CACNA1H: variants seen among roughly 807,000 people sequenced by gnomAD.
The protein encoded by CACNA1H is calcium voltage-gated channel subunit alpha1 H.
A neutral mutation model predicts 192.5 loss-of-function variants in CACNA1H; 149 were observed. That is an observed-to-expected ratio of 0.77 (90% CI 0.68 to 0.89). The LOEUF (loss-of-function observed/expected upper bound fraction) is 0.89. Among genes scored for constraint, CACNA1H ranks in the 40% least tolerant of loss-of-function variants. The pLI is 0.00. For synonymous variants in CACNA1H, 2,202 were observed against 1,475.2 expected, an observed-to-expected ratio of 1.49 and a Z score of -11.29; for missense variants, 4,257 against 3,423.5, an observed-to-expected ratio of 1.24 and a Z score of -6.08.
intron 21 of CACNA1H, 89 bp downstream of exon 21, chr16:1,211,060 G>A: frequency 6.4e-6 from 10 of 1,556,932 alleles, no homozygotes; most frequent in Middle Eastern, 2.2e-4. Context: ...GTCCTGGGCT[G>A]TTCGCAGGCC....
intron 2 of CACNA1H, among the ~76,000 whole-genome samples, chr16:1,168,733 C>T (rs929362052): frequency 2.0e-5 from 3 of 152,124 alleles, no homozygotes; most frequent in Non-Finnish European, 4.4e-5. Context: ...GGCACCATGC[C>T]CCACTCTGGG....
rs746078492 is a variant in CACNA1H, at chr16:1,195,035, G to T, written c.363G>T (p.Arg121=). The change falls in exon 3 of 35, where the codon CGG becomes CGT. Residue 121 remains arginine (R), a synonymous_variant. Coordinates refer to ENST00000348261, the MANE Select transcript of CACNA1H (RefSeq NM_021098.3). ...ACTGCGTGACCCTGGGCATGTTCCG[G>T]CCCTGTGAGGACGTTGAGTGCGGCT... ...MLNCVTLGMF[R]PCEDVECGSE... 2 of 1,611,672 alleles carry T rather than the reference G, an allele frequency of 1.2e-6. No homozygotes were observed. Among genetic ancestry groups the T allele is most frequent in the East Asian group, 4.5e-5 (2 of 44,816 alleles).
At position 1,218,427 on chromosome 16, in the gene CACNA1H, C is replaced by A; in HGVS notation, c.5663C>A (p.Pro1888His). 6.4e-7 allele frequency: 1 copy of A among 1,553,662 alleles called. No individual in the cohort carries two copies. Among genetic ancestry groups the A allele is most frequent in the Non-Finnish European group, 8.7e-7 (1 of 1,149,236 alleles). Residue 1888 changes from proline (P) to histidine (H), a missense_variant, in exon 33 of 35, where the codon CCC becomes CAC. Transcript: ENST00000348261. ...AEIELEMAQG[P>H]GSARRVDADR... ...ATCGAGCTGGAGATGGCGCAGGGCC[C>A]CGGGAGTGCACGCCGGGTGGACGCG...
rs924953309 is a variant in CACNA1H, at chr16:1,210,401, C to T, written c.3877C>T (p.His1293Tyr). 14 of 1,498,652 alleles carry T rather than the reference C, an allele frequency of 9.3e-6. No homozygotes were observed. The highest frequency in any genetic ancestry group is 1.3e-5 in the Non-Finnish European group (14 of 1,109,946). The allele number at this position is 1,498,652 out of a possible 1,614,324, so 92.8% of individuals were successfully genotyped here. ...CGTCTCCTGCCAGAAGGTCATCACA[C>T]ACAAGATGTTTGATCACGTGGTCCT... ...FRVSCQKVIT[H>Y]KMFDHVVLVF... Residue 1293 changes from histidine to tyrosine, a missense_variant, in exon 19 of 35, where the codon CAC becomes TAC. By Grantham distance (83) the His-to-Tyr change is moderately conservative (BLOSUM62 2). Transcript: ENST00000348261.
chr16:1,168,104 G>A (rs1963979998), intron 2 of CACNA1H, among the ~76,000 whole-genome samples: 1 of 152,126 alleles, frequency 6.6e-6, no homozygotes, highest in Admixed American at 6.5e-5. Flanking sequence ...CCCGAGAGGT[G>A]GACCAGAATT....
chr16:1,207,657 C>T, intron 14 of CACNA1H, 113 bp from the exon 15 acceptor site: 1 of 1,021,408 alleles, frequency 9.8e-7, no homozygotes, highest in Non-Finnish European at 1.5e-6. Flanking sequence ...ACATCATCCT[C>T]TGGGCCCTTC....
At chr16:1,211,133 T>C (rs755789774) in intron 21 of CACNA1H, 35 bp from the exon 22 acceptor site, 5 of 1,605,188 alleles carry the variant, frequency 3.1e-6, no homozygotes, top group South Asian at 1.1e-5. Flanking sequence ...GCTGCTGCCA[T>C]AGATGACTGC....
chr16:1,206,428 T>A (rs1484174159), intron 12 of CACNA1H, 139 bp downstream of exon 12: 2 of 744,566 alleles, frequency 2.7e-6, no homozygotes, highest in African/African-American at 3.5e-5. Context: ...CGGCCTCTGC[T>A]GCCTTCATTT....
chr16:1,168,352 AT>A (rs201086565), intron 2 of CACNA1H, among the ~76,000 whole-genome samples: 2,857 of 152,038 alleles, frequency 0.019, 65 homozygotes, highest in African/African-American at 0.049. Flanking sequence ...GGTAGAGTCC[AT>A]GCAGTCCGAC....
chr16:1,214,920 G>C, intron 27 of CACNA1H, 52 bp from the exon 28 acceptor site: 2 of 1,370,854 alleles, frequency 1.5e-6, no homozygotes, highest in Admixed American at 3.9e-5. Context: ...GAGCCAGGGG[G>C]AAGAGGGGTG....
chr16:1,179,870 G>A (rs184301302), intron 2 of CACNA1H, among the ~76,000 whole-genome samples: 1 of 152,058 alleles, frequency 6.6e-6, no homozygotes, highest in African/African-American at 2.4e-5. Context: ...ACGTAGCTGG[G>A]ATTACAGGCA....
chr16:1,200,732 G>C lies in CACNA1H; in HGVS notation c.1136G>C (p.Gly379Ala). Residue 379 changes from glycine to alanine, a missense_variant, in exon 8 of 35, where the codon GGC (glycine) becomes GCC (alanine). By Grantham distance (60) the Gly-to-Ala change is moderately conservative (BLOSUM62 0). Coordinates refer to ENST00000348261, the MANE Select transcript of CACNA1H (RefSeq NM_021098.3). ...IAIFQVITLEGWVDIMYYVMD... is the reference protein window; with the variant it reads ...IAIFQVITLEAWVDIMYYVMD... ...CCCCCCCAGGTGATCACGCTGGAAG[G>C]CTGGGTGGACATCATGTACTACGTC... 6.4e-7 allele frequency: 1 copy of C among 1,562,060 alleles called. No individual in the cohort carries two copies. The highest frequency in any genetic ancestry group is 8.7e-7 in the Non-Finnish European group (1 of 1,153,206).
intron 2 of CACNA1H, among the ~76,000 whole-genome samples, chr16:1,187,881 G>A (rs777822832): frequency 2.0e-5 from 3 of 152,218 alleles, no homozygotes; most frequent in South Asian, 4.1e-4. Flanking sequence ...TCCCTCTGTA[G>A]AAACATCTGT....
chr16:1,211,442 C>G lies in CACNA1H; in HGVS notation c.4351-39C>G. On this transcript the variant is annotated intron_variant, in intron 22 of 34. Transcript: ENST00000348261. ...AGGAAGTCCGGTGTGGGGTGGGGCA[C>G]AGGCCAGGCCCTCCGCGGTGACCGT... 3.7e-6 allele frequency: 6 copies of G among 1,611,540 alleles called. No homozygotes were observed. In the South Asian group the frequency reaches 5.5e-5, roughly 15 times the overall value.
In CACNA1H at chr16:1,204,428, G is replaced by A. The variant is rs761461229; in HGVS notation, c.2421G>A (p.Thr807=). The change falls in exon 10 of 35, where the codon ACG becomes ACA. Residue 807 remains threonine (T), a synonymous_variant. Transcript: ENST00000348261. ...RGIMMAILVN[T]LSMGVEYHEQ... ...TCATGATGGCCATCCTTGTCAACAC[G>A]CTGAGCATGGGCGTGGAGTACCATG... The A allele has an allele frequency of 3.0e-5, 47 of 1,548,550 alleles. No individual in the cohort carries two copies. Among genetic ancestry groups the A allele is most frequent in the Middle Eastern group, 3.5e-4 (2 of 5,764 alleles).
chr16:1,208,891 T>C (rs541219359), intron 16 of CACNA1H, 141 bp from the exon 17 acceptor site: 3 of 924,084 alleles, frequency 3.2e-6, no homozygotes, highest in African/African-American at 3.5e-5. Flanking sequence ...CCCCCTAAAA[T>C]CACAGCCTCC....
chr16:1,208,125 G>C lies in CACNA1H; in HGVS notation c.3267G>C (p.Lys1089Asn), dbSNP rs1456869673. 1.9e-6 allele frequency: 3 copies of C among 1,593,596 alleles called. No homozygotes were observed. The highest frequency in any genetic ancestry group is 2.3e-5 in the East Asian group (1 of 43,510). ...CTAATPMPTP[K>N]SSPFLDAAPS... ...CTGCCACGCCCATGCCTACCCCCAA[G>C]AGCTCACCATTCCTGGATGCAGCCC... Residue 1089 changes from lysine (K) to asparagine (N), a missense_variant, in exon 16 of 35, where the codon AAG becomes AAC. Coordinates refer to ENST00000348261, the MANE Select transcript of CACNA1H (RefSeq NM_021098.3).
chr16:1,217,782 C>T, intron 31 of CACNA1H, 137 bp from the exon 32 acceptor site: 1 of 1,212,768 alleles, frequency 8.2e-7, no homozygotes, highest in South Asian at 1.6e-5. Flanking sequence ...GCAGGGCGAA[C>T]CGCCAGGGCC....
intron 2 of CACNA1H, among the ~76,000 whole-genome samples, chr16:1,191,055 G>A (rs1401491568): frequency 7.2e-6 from 1 of 138,976 alleles, no homozygotes; most frequent in Non-Finnish European, 1.6e-5. Context: ...AGGCTGGCCT[G>A]GCTGTGTGGC....
Sources: allele counts gnomAD v4.1 joint callset (sites outside exome capture counted in the v4.1 genomes callset), GRCh38; gene constraint gnomAD v4.1.1; transcripts MANE v1.5; gene names NCBI Gene and HGNC (gene_info 2026-07-23, HGNC 2026-07-21).